Variants in OPCML observed in about 807,000 individuals in gnomAD.
The protein encoded by OPCML is opioid binding protein/cell adhesion molecule like.
In OPCML, 13 loss-of-function variants were observed where a neutral mutation model predicts 37.8. That is an observed-to-expected ratio of 0.34 (90% CI 0.22 to 0.55). The LOEUF (loss-of-function observed/expected upper bound fraction) is 0.55, where lower values mean the gene tolerates loss of function less well. Among genes scored for constraint, OPCML ranks in the 20% least tolerant of loss-of-function variants. The probability of loss-of-function intolerance (pLI) is 0.91; values close to 1 mark genes in which losing one functional copy is unlikely to be tolerated. For synonymous variants in OPCML, 176 were observed against 168.8 expected, an observed-to-expected ratio of 1.04 and a Z score of -0.33; for missense variants, 341 against 435.6, an observed-to-expected ratio of 0.78 and a Z score of 1.93.
chr11:132,741,024 G>GT (rs756834969), intron 2 of OPCML, among the ~76,000 whole-genome samples: 6 of 152,164 alleles, frequency 3.9e-5, no homozygotes, highest in South Asian at 2.1e-4. Flanking sequence ...CATCCACTGG[G>GT]TGCCAGCATG....
At chr11:133,318,442 G>C (rs1238298381) in intron 1 of OPCML, among the ~76,000 whole-genome samples, 1 of 152,014 alleles carries the variant, frequency 6.6e-6, no homozygotes, top group Non-Finnish European at 1.5e-5. Context: ...ATCTCGTTTG[G>C]TCTGTTTAGT....
intron 3 of OPCML, among the ~76,000 whole-genome samples, chr11:132,598,824 A>T (rs538936902): frequency 9.5e-4 from 144 of 152,088 alleles, no homozygotes; most frequent in African/African-American, 2.8e-3. Context: ...TGTTTTTTTT[A>T]AAAAAATTTC....
In OPCML at chr11:132,953,975, G is replaced by C. The variant is rs113383004; in HGVS notation, c.62-10965C>G. ...ACCCACTTCCTGCTAAAATGAATCT[G>C]ATTTTCTGGGTCTTAGAGAGGAGCT... On this transcript the variant is annotated intron_variant, in intron 1 of 7. Transcript: ENST00000524381. Among the ~76,000 whole-genome samples, 1,063 of 152,282 alleles carry C rather than the reference G, an allele frequency of 7.0e-3. 16 individuals carry two copies. The highest frequency in any genetic ancestry group is 0.025 in the African/African-American group (1,021 of 41,552).
chr11:133,471,136 A>G (rs1348115132), intron 1 of OPCML, among the ~76,000 whole-genome samples: 2 of 152,246 alleles, frequency 1.3e-5, no homozygotes, highest in African/African-American at 4.8e-5. Flanking sequence ...ACAGGAAATG[A>G]GTAGTTCAGA....
intron 3 of OPCML, among the ~76,000 whole-genome samples, chr11:132,602,751 C>T (rs971538049): frequency 1.3e-5 from 2 of 152,230 alleles, no homozygotes; most frequent in African/African-American, 4.8e-5. Flanking sequence ...AATTAGATCC[C>T]AGTCCATGAG....
chr11:132,730,686 A>G (rs1055848523), intron 2 of OPCML, among the ~76,000 whole-genome samples: 1 of 152,154 alleles, frequency 6.6e-6, no homozygotes, highest in African/African-American at 2.4e-5. Flanking sequence ...TCTGCTTCAT[A>G]AATCAGCTGG....
chr11:133,298,515 T>C (rs1455245931), intron 1 of OPCML: 2 of 152,194 alleles, frequency 1.3e-5, no homozygotes, highest in Non-Finnish European at 2.9e-5. Flanking sequence ...AAAACTTGAC[T>C]AGAACAGAGG....
intron 4 of OPCML, among the ~76,000 whole-genome samples, chr11:132,499,888 G>A (rs2096241939): frequency 6.6e-6 from 1 of 152,158 alleles, no homozygotes; most frequent in Non-Finnish European, 1.5e-5. Flanking sequence ...CAACATTCGA[G>A]GACAATATGC....
rs1272061685 is a variant in OPCML at position 133,140,531 on chromosome 11, T to TAATAATAATAATAATAAGAAGAAGAAG, written c.62-197522_62-197521insCTTCTTCTTCTTATTATTATTATTATT. Among the ~76,000 whole-genome samples the TAATAATAATAATAATAAGAAGAAGAAG allele has an allele frequency of 1.0e-3, 92 of 88,090 alleles. 1 individual carries two copies. Among genetic ancestry groups the TAATAATAATAATAATAAGAAGAAGAAG allele is most frequent in the South Asian group, 1.6e-3 (3 of 1,912 alleles). The allele number at this position is 88,090 out of a possible 152,430, so 57.8% of individuals were successfully genotyped here. A position where few individuals can be genotyped will look rare whatever the true frequency, so the allele number is the denominator to read the frequency against. On this transcript the variant is annotated intron_variant, in intron 1 of 7. Coordinates refer to ENST00000524381, the MANE Select transcript of OPCML (RefSeq NM_001012393.5). ...TGTCTCAAAATAATAATAATAATAA[T>TAATAATAATAATAATAAGAAGAAGAAG]AAGAAGAAGAAGAAGAAGAAGAAGA...
chr11:132,631,495 T>C (rs1940120245), intron 3 of OPCML, among the ~76,000 whole-genome samples: 1 of 151,142 alleles, frequency 6.6e-6, no homozygotes, highest in Non-Finnish European at 1.5e-5. Context: ...AGTCTGGCTC[T>C]GTCCCCCAGG....
At chr11:132,430,156 G>C (rs1441528868) in intron 7 of OPCML, among the ~76,000 whole-genome samples, 1 of 152,172 alleles carries the variant, frequency 6.6e-6, no homozygotes, top group Non-Finnish European at 1.5e-5. Flanking sequence ...AAAAGGCACG[G>C]GTGAGGCATG....
intron 2 of OPCML, among the ~76,000 whole-genome samples, chr11:132,753,676 G>C (rs1259565221): frequency 6.6e-6 from 1 of 152,176 alleles, no homozygotes; most frequent in African/African-American, 2.4e-5. Flanking sequence ...GGAACTGTGG[G>C]TCTCAGTTGA....
Position 133,006,999 on chromosome 11 carries a change from T to C in OPCML, c.62-63989A>G, listed in dbSNP as rs1051279288. ...GTTAATCCTTCTCCCTCTAAAGCAATCATATTCACTTAATTTAAAACAGGA... is the reference window on the plus strand; with the variant it reads ...GTTAATCCTTCTCCCTCTAAAGCAACCATATTCACTTAATTTAAAACAGGA... On this transcript the variant is annotated intron_variant, in intron 1 of 7. Transcript: ENST00000524381. 18 of 985,286 alleles carry C rather than the reference T, an allele frequency of 1.8e-5. No homozygotes were observed. The Admixed American group carries it at 8.0e-4, about 44-fold the overall frequency. The allele number at this position is 985,286 out of a possible 1,614,324, so 61.0% of individuals were successfully genotyped here. A position where few individuals can be genotyped will look rare whatever the true frequency, so the allele number is the denominator to read the frequency against.
chr11:132,901,608 G>A (rs1423319719), intron 2 of OPCML, among the ~76,000 whole-genome samples: 1 of 152,162 alleles, frequency 6.6e-6, no homozygotes, highest in Non-Finnish European at 1.5e-5. Flanking sequence ...TTGGGGTGCA[G>A]GTTCCCCACT....
At chr11:133,509,603 C>T (rs1948110471) in intron 1 of OPCML, among the ~76,000 whole-genome samples, 1 of 152,146 alleles carries the variant, frequency 6.6e-6, no homozygotes, top group African/African-American at 2.4e-5. Context: ...CCTATGACAA[C>T]TCTCAATCAA....
chr11:132,937,204 GA>G (rs1447160660), intron 2 of OPCML, among the ~76,000 whole-genome samples: 2 of 152,090 alleles, frequency 1.3e-5, no homozygotes, highest in Non-Finnish European at 2.9e-5. Context: ...CTGCCTGGCG[GA>G]CCGGCTCCCC....
intron 3 of OPCML, among the ~76,000 whole-genome samples, chr11:132,531,015 A>T (rs906689398): frequency 1.3e-5 from 2 of 151,990 alleles, no homozygotes; most frequent in African/African-American, 4.8e-5. Context: ...TTTTGTTTAG[A>T]CCTGTCTCAG....
At chr11:132,469,386 G>C (rs945494691) in intron 4 of OPCML, among the ~76,000 whole-genome samples, 1 of 152,192 alleles carries the variant, frequency 6.6e-6, no homozygotes, top group East Asian at 1.9e-4. Flanking sequence ...GTGTATGTGA[G>C]TCTGGGGTGT....
At chr11:132,522,824 G>A (rs954613263) in intron 4 of OPCML, among the ~76,000 whole-genome samples, 11 of 152,144 alleles carry the variant, frequency 7.2e-5, no homozygotes, top group Admixed American at 3.9e-4. Flanking sequence ...ACACAAGTGC[G>A]GGTCAGTGCA....
Sources: gnomAD v4.1 joint callset for allele counts (sites outside exome capture counted in the v4.1 genomes callset) on GRCh38, gnomAD v4.1.1 for gene constraint, MANE v1.5 for transcripts, NCBI Gene and HGNC (gene_info 2026-07-23, HGNC 2026-07-21) for gene names.